The following HS2ST1 variants were observed in gnomAD, a reference collection of about 807,000 sequenced individuals.
The protein encoded by HS2ST1 is heparan sulfate 2-O-sulfotransferase 1.
Under a neutral mutation model 42.9 loss-of-function variants are expected in HS2ST1, and 18 were observed. The observed-to-expected ratio is 0.42, with a 90% CI of 0.29 to 0.62. The LOEUF (loss-of-function observed/expected upper bound fraction) is 0.62, where lower values mean the gene tolerates loss of function less well. Ranked by LOEUF, HS2ST1 falls within the 20% of genes least tolerant of loss-of-function variation. The pLI is 0.21. For missense variants in HS2ST1, 334 were observed against 433.8 expected (o/e 0.77, Z 2.04); for synonymous variants, 146 against 152.9 (o/e 0.95, Z 0.33).
chr1:86,939,072 C>T (rs1448893222), intron 1 of HS2ST1, among the ~76,000 whole-genome samples: 1 of 151,998 alleles, frequency 6.6e-6, no homozygotes, highest in Non-Finnish European at 1.5e-5. Context: ...ATTTAAATTT[C>T]TTGTCATGTA....
chr1:86,958,105 A>G (rs147942327), intron 1 of HS2ST1, among the ~76,000 whole-genome samples: 42 of 152,188 alleles, frequency 2.8e-4, no homozygotes, highest in Non-Finnish European at 5.3e-4. Context: ...GGGTTTATAT[A>G]TAGGTAGCTA....
At position 87,045,167 on chromosome 1, in the gene HS2ST1, A is replaced by G. The variant is rs539641336; in HGVS notation, c.125-27767A>G. ...TACTGCCATTGGTTATGCTTTTGGC[A>G]GCATCTTCAGCTTGTTTTGGCCCCA... On this transcript the variant is annotated intron_variant, in intron 1 of 6. Transcript: ENST00000370550. The G allele has an allele frequency of 2.5e-4, 222 of 873,224 alleles. 1 individual carries two copies. The African/African-American group carries it at 3.3e-3, about 13-fold the overall frequency. 54.1% of individuals were successfully genotyped at this position (873,224 alleles called of 1,614,324 possible).
rs546877064 is a variant in HS2ST1, at chr1:87,020,580, A to G, written c.125-52354A>G. On this transcript the variant is annotated intron_variant, in intron 1 of 6. Transcript: ENST00000370550. Reference sequence around the variant, plus strand: ...TCTGTATTAGTTTGTGAGGGCTGCCATAACAAAGTATGACAGACTGGATGG... The same window carrying G: ...TCTGTATTAGTTTGTGAGGGCTGCCGTAACAAAGTATGACAGACTGGATGG... Among the ~76,000 whole-genome samples, 212 of 152,292 alleles carry G rather than the reference A, an allele frequency of 1.4e-3. 1 individual carries two copies. Among genetic ancestry groups the G allele is most frequent in the Admixed American group, 0.01 (160 of 15,280 alleles).
chr1:86,996,389 T>C (rs544690235), intron 1 of HS2ST1, among the ~76,000 whole-genome samples: 1 of 147,502 alleles, frequency 6.8e-6, no homozygotes, highest in East Asian at 2.0e-4. Context: ...TTGTGGTGAA[T>C]TGAGATCGTG....
chr1:87,084,135 C>A, intron 2 of HS2ST1, 59 bp from the exon 3 acceptor site: 3 of 1,055,226 alleles, frequency 2.8e-6, no homozygotes, highest in South Asian at 1.7e-5. Context: ...AAATATTTTG[C>A]TATCATCAAA....
intron 1 of HS2ST1, among the ~76,000 whole-genome samples, chr1:87,041,787 T>A (rs540852516): frequency 1.3e-5 from 2 of 152,354 alleles, no homozygotes; most frequent in East Asian, 1.9e-4. Flanking sequence ...AAAGGCTGAA[T>A]AATATTTTAC....
intron 1 of HS2ST1, among the ~76,000 whole-genome samples, chr1:87,034,129 A>G (rs1030555955): frequency 6.6e-6 from 1 of 152,196 alleles, no homozygotes; most frequent in African/African-American, 2.4e-5. Context: ...CTACCCTTTT[A>G]TTTGTTTCAA....
chr1:87,065,714 T>C (rs183965633), intron 1 of HS2ST1, among the ~76,000 whole-genome samples: 1 of 152,238 alleles, frequency 6.6e-6, no homozygotes, highest in East Asian at 1.9e-4. Context: ...GTAGTGTTGC[T>C]CTGCTCTGTT....
chr1:87,042,622 A>G (rs1379135059), intron 1 of HS2ST1, among the ~76,000 whole-genome samples: 1 of 152,102 alleles, frequency 6.6e-6, no homozygotes, highest in Non-Finnish European at 1.5e-5. Context: ...CTCTTTTGCA[A>G]TGCCTGCGAG....
chr1:87,067,163 G>A (rs554532409), intron 1 of HS2ST1, among the ~76,000 whole-genome samples: 20 of 152,296 alleles, frequency 1.3e-4, no homozygotes, highest in African/African-American at 4.6e-4. Flanking sequence ...TTCCACAATG[G>A]TTGAACTAAT....
chr1:86,964,887 A>C (rs897199100), intron 1 of HS2ST1, among the ~76,000 whole-genome samples: 1 of 152,132 alleles, frequency 6.6e-6, no homozygotes, highest in African/African-American at 2.4e-5. Flanking sequence ...CACTCTCTTC[A>C]TATGTGAAGA....
chr1:87,056,843 T>A (rs186664796), intron 1 of HS2ST1, among the ~76,000 whole-genome samples: 1 of 152,340 alleles, frequency 6.6e-6, no homozygotes, highest in Admixed American at 6.5e-5. Flanking sequence ...ACTTGAATAG[T>A]GTATATTCAT....
chr1:86,981,345 A>T (rs1261990628), intron 1 of HS2ST1, among the ~76,000 whole-genome samples: 1 of 152,152 alleles, frequency 6.6e-6, no homozygotes, highest in African/African-American at 2.4e-5. Context: ...CACATTTCAA[A>T]ACACAATCAT....
intron 1 of HS2ST1, chr1:86,956,377 G>A (rs2753275): frequency 0.3 from 46,248 of 152,104 alleles, 9,309 homozygotes; most frequent in African/African-American, 0.57. Context: ...GTTTGATTCA[G>A]TGCCTGAAAA....
At chr1:86,945,252 A>G (rs1647296372) in intron 1 of HS2ST1, among the ~76,000 whole-genome samples, 2 of 152,212 alleles carry the variant, frequency 1.3e-5, no homozygotes, top group South Asian at 4.1e-4. Context: ...AAGAGATGTG[A>G]TATGGTAGAA....
At chr1:87,083,092 C>T (rs1651731539) in intron 2 of HS2ST1, among the ~76,000 whole-genome samples, 2 of 152,330 alleles carry the variant, frequency 1.3e-5, no homozygotes, top group South Asian at 4.1e-4. Flanking sequence ...TTCACATTCT[C>T]TGACATATAG....
At chr1:87,064,404 T>A in intron 1 of HS2ST1, 1 of 498,718 alleles carries the variant, frequency 2.0e-6, no homozygotes, top group Non-Finnish European at 4.0e-6. Context: ...GTATTTTAGG[T>A]GTACTCAGAA....
chr1:86,974,123 G>A (rs1264300452), intron 1 of HS2ST1, among the ~76,000 whole-genome samples: 1 of 152,092 alleles, frequency 6.6e-6, no homozygotes, highest in African/African-American at 2.4e-5. Context: ...TGATAGTAGA[G>A]TCTTTTGTTC....
intron 1 of HS2ST1, among the ~76,000 whole-genome samples, chr1:86,983,360 C>A (rs967508556): frequency 4.6e-5 from 7 of 152,068 alleles, no homozygotes; most frequent in Admixed American, 4.6e-4. Context: ...AAATTAAAAT[C>A]ATGGCAGAAG....
Sources: gnomAD v4.1 joint callset for allele counts (sites outside exome capture counted in the v4.1 genomes callset) on GRCh38, gnomAD v4.1.1 for gene constraint, MANE v1.5 for transcripts, NCBI Gene and HGNC (gene_info 2026-07-23, HGNC 2026-07-21) for gene names.